Variants in PCSK2 observed in about 807,000 individuals in gnomAD.
The protein encoded by PCSK2 is neuroendocrine convertase 2.
Under a neutral mutation model 69.7 loss-of-function variants are expected in PCSK2, and 14 were observed. The ratio of observed to expected loss-of-function variants is 0.20; its 90% CI spans 0.13 to 0.31. The LOEUF is 0.31. Among genes scored for constraint, PCSK2 ranks in the 10% least tolerant of loss-of-function variants. PCSK2 has a pLI of 1.00. For missense variants in PCSK2, 544 were observed against 842.5 expected, an observed-to-expected ratio of 0.65 and a Z score of 4.39; for synonymous variants, 307 against 320.7, an observed-to-expected ratio of 0.96 and a Z score of 0.46.
intron 2 of PCSK2, among the ~76,000 whole-genome samples, chr20:17,282,069 A>G (rs191902343): frequency 4.1e-4 from 63 of 152,168 alleles, no homozygotes; most frequent in Non-Finnish European, 1.8e-4. Context: ...ACCTTTCAGG[A>G]GTTTCTCATG....
chr20:17,309,715 G>T (rs557980342), intron 2 of PCSK2, among the ~76,000 whole-genome samples: 40 of 152,226 alleles, frequency 2.6e-4, no homozygotes, highest in African/African-American at 8.9e-4. Flanking sequence ...CTACTCGGGA[G>T]GATGAGGCAG....
intron 1 of PCSK2, among the ~76,000 whole-genome samples, chr20:17,234,310 G>T (rs1039387248): frequency 6.6e-6 from 1 of 152,126 alleles, no homozygotes; most frequent in African/African-American, 2.4e-5. Flanking sequence ...CTTCCTGCTG[G>T]CAACCAACGT....
chr20:17,479,447 C>G, intron 11 of PCSK2: 1 of 562,294 alleles, frequency 1.8e-6, no homozygotes, highest in Admixed American at 2.7e-5. Flanking sequence ...CGCCTGTTCT[C>G]CCTGGGGGCG....
At chr20:17,479,518 G>T (rs1272171636) in intron 11 of PCSK2, 1 of 372,640 alleles carries the variant, frequency 2.7e-6, no homozygotes, top group African/African-American at 2.1e-5. Flanking sequence ...AGAATCATAC[G>T]GCCGGGCGCG....
chr20:17,256,066 C>T lies in PCSK2; in HGVS notation c.178-4174C>T, dbSNP rs1987165559. Among the ~76,000 whole-genome samples, 3 of 152,102 alleles carry T rather than the reference C, an allele frequency of 2.0e-5. No individual in the cohort carries two copies. In the South Asian group the frequency reaches 6.2e-4, roughly 32 times the overall value. On this transcript the variant is annotated intron_variant, in intron 1 of 11. Transcript: ENST00000262545. Reference sequence around the variant, plus strand: ...TTATTTAAACATTAGTAGAACTAATCAGGATTAGTAGAATTCATCAGTATT... The same window carrying T: ...TTATTTAAACATTAGTAGAACTAATTAGGATTAGTAGAATTCATCAGTATT...
chr20:17,428,216 C>A (rs2032287530), intron 6 of PCSK2, among the ~76,000 whole-genome samples: 1 of 152,186 alleles, frequency 6.6e-6, no homozygotes, highest in South Asian at 2.1e-4. Context: ...ACTTGTCCTC[C>A]AGCCTTTGGT....
At chr20:17,462,046 T>A (rs2033022249) in intron 10 of PCSK2, among the ~76,000 whole-genome samples, 1 of 152,170 alleles carries the variant, frequency 6.6e-6, no homozygotes, top group Non-Finnish European at 1.5e-5. Context: ...ATGATCAGAA[T>A]CCTGGAGTGC....
chr20:17,251,295 AG>A (rs1264286273), intron 1 of PCSK2, among the ~76,000 whole-genome samples: 1 of 152,140 alleles, frequency 6.6e-6, no homozygotes, highest in African/African-American at 2.4e-5. Context: ...GTATATCAGC[AG>A]GGTTAAGTAG....
intron 2 of PCSK2, among the ~76,000 whole-genome samples, chr20:17,340,672 A>G (rs1990485780): frequency 6.6e-6 from 1 of 152,192 alleles, no homozygotes; most frequent in Non-Finnish European, 1.5e-5. Flanking sequence ...TTAATACACC[A>G]AGGAATTTCT....
At chr20:17,414,357 C>A (rs887280139) in intron 6 of PCSK2, among the ~76,000 whole-genome samples, 1 of 152,116 alleles carries the variant, frequency 6.6e-6, no homozygotes, top group African/African-American at 2.4e-5. Flanking sequence ...GGGGATATCA[C>A]CACCGATCCC....
At chr20:17,287,414 C>A (rs1391271385) in intron 2 of PCSK2, among the ~76,000 whole-genome samples, 4 of 140,176 alleles carry the variant, frequency 2.9e-5, no homozygotes, top group Non-Finnish European at 6.1e-5. Flanking sequence ...AGGGATCTTG[C>A]ACCAGCATGT....
At chr20:17,271,487 C>T (rs1437403590) in intron 2 of PCSK2, among the ~76,000 whole-genome samples, 1 of 152,004 alleles carries the variant, frequency 6.6e-6, no homozygotes, top group Non-Finnish European at 1.5e-5. Context: ...AAGCTTGATG[C>T]CTACACAGGC....
chr20:17,329,421 C>T (rs1990152773), intron 2 of PCSK2, among the ~76,000 whole-genome samples: 2 of 152,138 alleles, frequency 1.3e-5, no homozygotes, highest in South Asian at 4.1e-4. Flanking sequence ...AAAATGTTCC[C>T]AATTATTCAG....
intron 2 of PCSK2, among the ~76,000 whole-genome samples, chr20:17,353,702 G>T (rs114581651): frequency 0.013 from 1,907 of 152,196 alleles, 13 homozygotes; most frequent in East Asian, 0.034. Context: ...TTTCTGTTCA[G>T]TGCTACACTA....
intron 1 of PCSK2, among the ~76,000 whole-genome samples, chr20:17,257,027 G>A (rs1400796687): frequency 6.6e-6 from 1 of 151,988 alleles, no homozygotes; most frequent in African/African-American, 2.4e-5. Flanking sequence ...ATCATTGATG[G>A]GCATTTGAGT....
At chr20:17,373,967 G>T (rs1197623563) in intron 5 of PCSK2, among the ~76,000 whole-genome samples, 1 of 152,154 alleles carries the variant, frequency 6.6e-6, no homozygotes, top group Non-Finnish European at 1.5e-5. Flanking sequence ...ACTGGTAAAA[G>T]TTCACTATTC....
intron 2 of PCSK2, among the ~76,000 whole-genome samples, chr20:17,308,423 TC>T (rs1372109917): frequency 2.0e-5 from 3 of 151,752 alleles, no homozygotes; most frequent in Non-Finnish European, 4.4e-5. Flanking sequence ...AAGACTTGAA[TC>T]CCCCCAAAAA....
intron 5 of PCSK2, among the ~76,000 whole-genome samples, chr20:17,372,421 AAATAAAT>A (rs1568622906): frequency 6.6e-6 from 1 of 150,576 alleles, no homozygotes; most frequent in Non-Finnish European, 1.5e-5. Context: ...ATAAATAAAT[AAATAAAT>A]AAAAATAAAA....
chr20:17,461,476 A>G (rs375609810), intron 10 of PCSK2, among the ~76,000 whole-genome samples: 2 of 152,238 alleles, frequency 1.3e-5, no homozygotes, highest in African/African-American at 4.8e-5. Flanking sequence ...TCCAGGTCAC[A>G]CAGTTTACAT....
Sources: gnomAD v4.1 joint callset for allele counts (sites outside exome capture counted in the v4.1 genomes callset) on GRCh38, gnomAD v4.1.1 for gene constraint, MANE v1.5 for transcripts, NCBI Gene and HGNC (gene_info 2026-07-23, HGNC 2026-07-21) for gene names.